RASAL2: variants seen among roughly 807,000 people sequenced by gnomAD.
RASAL2 encodes ras GTPase-activating protein nGAP.
A neutral mutation model predicts 128.9 loss-of-function variants in RASAL2; 58 were observed. The ratio of observed to expected loss-of-function variants is 0.45; its 90% CI spans 0.36 to 0.56. The LOEUF (loss-of-function observed/expected upper bound fraction) is 0.56, where lower values mean the gene tolerates loss of function less well. RASAL2 is among the 20% of genes least tolerant of loss of function. The pLI, the probability that RASAL2 is intolerant of heterozygous loss-of-function variation, is 0.00. For synonymous variants in RASAL2, 561 were observed against 580.8 expected, an observed-to-expected ratio of 0.97 and a Z score of 0.49; for missense variants, 1,360 against 1,601.6, an observed-to-expected ratio of 0.85 and a Z score of 2.57.
chr1:178,313,925 A>G (rs538814199), intron 3 of RASAL2, among the ~76,000 whole-genome samples: 2 of 152,288 alleles, frequency 1.3e-5, no homozygotes, highest in East Asian at 1.9e-4. Context: ...TTATAATCTA[A>G]TAGACAATAA....
intron 1 of RASAL2, among the ~76,000 whole-genome samples, chr1:178,198,325 G>A (rs1365698851): frequency 6.6e-6 from 1 of 152,178 alleles, no homozygotes; most frequent in African/African-American, 2.4e-5. Context: ...CACCAAAAGT[G>A]TAAAAGCATT....
intron 14 of RASAL2, among the ~76,000 whole-genome samples, chr1:178,461,297 C>T (rs182383393): frequency 1.2e-4 from 18 of 152,240 alleles, no homozygotes; most frequent in African/African-American, 3.9e-4. Flanking sequence ...GTTCTGTAGG[C>T]GGCTGTAATT....
chr1:178,317,357 A>C (rs1324437618), intron 3 of RASAL2, among the ~76,000 whole-genome samples: 1 of 146,480 alleles, frequency 6.8e-6, no homozygotes. Flanking sequence ...GAATAGTTTC[A>C]GAAGGAATGG....
At chr1:178,170,757 A>G (rs1428905314) in intron 1 of RASAL2, among the ~76,000 whole-genome samples, 1 of 151,716 alleles carries the variant, frequency 6.6e-6, no homozygotes, top group Non-Finnish European at 1.5e-5. Context: ...TAAATATTAA[A>G]TATTTATTCA....
chr1:178,264,952 C>T (rs1407502708), intron 1 of RASAL2, among the ~76,000 whole-genome samples: 2 of 152,178 alleles, frequency 1.3e-5, no homozygotes, highest in Non-Finnish European at 2.9e-5. Flanking sequence ...TTAGTATAAA[C>T]TTAAGTAAAT....
At chr1:178,318,481 A>G (rs971098951) in intron 3 of RASAL2, among the ~76,000 whole-genome samples, 1 of 151,344 alleles carries the variant, frequency 6.6e-6, no homozygotes, top group Non-Finnish European at 1.5e-5. Flanking sequence ...GTGCTCCCGT[A>G]TTGGGTGCAT....
chr1:178,140,448 C>G (rs2102328641), intron 1 of RASAL2, among the ~76,000 whole-genome samples: 1 of 152,212 alleles, frequency 6.6e-6, no homozygotes, highest in Non-Finnish European at 1.5e-5. Flanking sequence ...AGCTTACTGC[C>G]CTGAAAATAC....
chr1:178,245,364 A>G (rs1479430053), intron 1 of RASAL2, among the ~76,000 whole-genome samples: 1 of 152,202 alleles, frequency 6.6e-6, no homozygotes, highest in Non-Finnish European at 1.5e-5. Flanking sequence ...TGTCAGCTCC[A>G]TAAATGTCTT....
chr1:178,203,371 A>G (rs1290554499), intron 1 of RASAL2, among the ~76,000 whole-genome samples: 1 of 152,186 alleles, frequency 6.6e-6, no homozygotes, highest in East Asian at 1.9e-4. Flanking sequence ...TTACAATTAC[A>G]ATGCCATCTA....
chr1:178,218,263 AAAC>A (rs1353702672), intron 1 of RASAL2, among the ~76,000 whole-genome samples: 2 of 152,246 alleles, frequency 1.3e-5, no homozygotes, highest in Non-Finnish European at 2.9e-5. Flanking sequence ...GGAGGGATGA[AAAC>A]AACATTAATC....
chr1:178,358,724 A>G (rs1018442343), intron 3 of RASAL2, among the ~76,000 whole-genome samples: 1 of 152,182 alleles, frequency 6.6e-6, no homozygotes, highest in Non-Finnish European at 1.5e-5. Flanking sequence ...AAAGTTTGGC[A>G]TTGCTGAAGT....
intron 1 of RASAL2, among the ~76,000 whole-genome samples, chr1:178,227,950 T>C (rs939761374): frequency 1.3e-5 from 2 of 152,196 alleles, no homozygotes; most frequent in Non-Finnish European, 2.9e-5. Context: ...TTCTTTAAAA[T>C]TCCTAAATTC....
chr1:178,286,957 T>C (rs1667058914), intron 2 of RASAL2, among the ~76,000 whole-genome samples: 1 of 152,162 alleles, frequency 6.6e-6, no homozygotes, highest in South Asian at 2.1e-4. Flanking sequence ...ACCTTCTATC[T>C]TTCTAGCTCA....
At chr1:178,285,870 G>A (rs1667002881) in intron 2 of RASAL2, among the ~76,000 whole-genome samples, 1 of 152,196 alleles carries the variant, frequency 6.6e-6, no homozygotes, top group Non-Finnish European at 1.5e-5. Flanking sequence ...CAGAAAGTCA[G>A]GAAGCATGCC....
At chr1:178,341,341 T>G in intron 3 of RASAL2, 1 of 996,908 alleles carries the variant, frequency 1.0e-6, no homozygotes, top group Non-Finnish European at 1.3e-6. Context: ...GCCCAGTGAG[T>G]GAGTAAGGAA....
At chr1:178,305,268 T>C (rs964544909) in intron 3 of RASAL2, among the ~76,000 whole-genome samples, 3 of 152,080 alleles carry the variant, frequency 2.0e-5, no homozygotes, top group Admixed American at 2.0e-4. Flanking sequence ...AAAATACCAA[T>C]GACATTCTTC....
chr1:178,325,247 G>A (rs1449828704), intron 3 of RASAL2, among the ~76,000 whole-genome samples: 1 of 152,292 alleles, frequency 6.6e-6, no homozygotes, highest in East Asian at 1.9e-4. Flanking sequence ...GTAGAAAATA[G>A]TGTCTAGAAC....
At chr1:178,342,464 C>T (rs966460653) in intron 3 of RASAL2, among the ~76,000 whole-genome samples, 1 of 152,138 alleles carries the variant, frequency 6.6e-6, no homozygotes, top group Non-Finnish European at 1.5e-5. Flanking sequence ...CATCATAAAC[C>T]TAGATTGAAA....
intron 1 of RASAL2, among the ~76,000 whole-genome samples, chr1:178,132,127 A>T (rs1184593222): frequency 2.0e-5 from 3 of 151,878 alleles, no homozygotes. Context: ...TGTAGCCTCA[A>T]ACTCCTGGGC....
Sources: allele counts gnomAD v4.1 joint callset (sites outside exome capture counted in the v4.1 genomes callset), GRCh38; gene constraint gnomAD v4.1.1; transcripts MANE v1.5; gene names NCBI Gene and HGNC (gene_info 2026-07-23, HGNC 2026-07-21).